PARN: variants seen among roughly 807,000 people sequenced by gnomAD.
PARN encodes the protein poly(A)-specific ribonuclease PARN.
A neutral mutation model predicts 102.8 loss-of-function variants in PARN; 71 were observed. The ratio of observed to expected loss-of-function variants is 0.69; its 90% CI spans 0.57 to 0.84. PARN has a LOEUF of 0.84. Among genes scored for constraint, PARN ranks in the 40% least tolerant of loss-of-function variants. PARN has a pLI of 0.00. For missense variants in PARN, 782 were observed against 760.9 expected (o/e 1.03, Z -0.33); for synonymous variants, 261 against 252.9 (o/e 1.03, Z -0.30).
intron 21 of PARN, among the ~76,000 whole-genome samples, chr16:14,542,192 G>T (rs1386749411): frequency 6.6e-6 from 1 of 151,986 alleles, no homozygotes. Flanking sequence ...TTTTAGTAGA[G>T]ACAGGGTCTC....
At chr16:14,616,088 A>G (rs760284777) in intron 6 of PARN, among the ~76,000 whole-genome samples, 27 of 152,144 alleles carry the variant, frequency 1.8e-4, no homozygotes, top group Non-Finnish European at 2.9e-4. Context: ...TGGGGGAAAA[A>G]AAACAAAATT....
In PARN at chr16:14,580,916, T is replaced by A; in HGVS notation, c.1220A>T (p.His407Leu). 6.2e-7 allele frequency: 1 copy of A among 1,610,058 alleles called. No individual in the cohort carries two copies. Residue 407 changes from histidine (H) to leucine (L), a missense_variant, in exon 18 of 24, where the codon CAT becomes CTT. Physicochemically the swap from His to Leu is moderately conservative, Grantham distance 99 (BLOSUM62 -3). Coordinates refer to ENST00000437198, the MANE Select transcript of PARN (RefSeq NM_002582.4). ...LGSFLSPPKI[H>L]VSARSKLIEP... ...AATGAGTTTTGATCTGGCAGACACA[T>A]GAATTTTTGGAGGGCTGAGAAAAGA...
intron 6 of PARN, 48 bp downstream of exon 6, chr16:14,617,542 T>A: frequency 3.3e-6 from 3 of 910,734 alleles, no homozygotes; most frequent in Non-Finnish European, 5.6e-6. Flanking sequence ...TTCCCAAGGA[T>A]ATTTTGAAGG....
At chr16:14,547,222 G>T (rs1967009810) in intron 21 of PARN, among the ~76,000 whole-genome samples, 1 of 152,110 alleles carries the variant, frequency 6.6e-6, no homozygotes, top group Non-Finnish European at 1.5e-5. Context: ...CATCTGAAGA[G>T]CCAGAGGGGG....
intron 5 of PARN, among the ~76,000 whole-genome samples, chr16:14,624,057 G>A (rs906486881): frequency 6.6e-6 from 1 of 152,178 alleles, no homozygotes; most frequent in African/African-American, 2.4e-5. Flanking sequence ...TCTTCTGGGT[G>A]TGAGTGTGGT....
intron 22 of PARN, among the ~76,000 whole-genome samples, chr16:14,472,318 G>GA (rs1276829499): frequency 6.6e-6 from 1 of 152,118 alleles, no homozygotes; most frequent in African/African-American, 2.4e-5. Context: ...ATATTTACTT[G>GA]AATATTTTAA....
chr16:14,589,623 T>C (rs1442750107), intron 13 of PARN, among the ~76,000 whole-genome samples: 2 of 151,112 alleles, frequency 1.3e-5, no homozygotes, highest in South Asian at 2.1e-4. Flanking sequence ...CGCAACACTT[T>C]GGGAGGCCCA....
intron 21 of PARN, among the ~76,000 whole-genome samples, chr16:14,549,971 G>A (rs944168335): frequency 3.9e-5 from 6 of 152,184 alleles, no homozygotes; most frequent in East Asian, 1.9e-4. Context: ...GTTAGTCCCC[G>A]TGTCAGTCTG....
chr16:14,513,483 T>G (rs1417074295), intron 21 of PARN, among the ~76,000 whole-genome samples: 6 of 152,238 alleles, frequency 3.9e-5, no homozygotes, highest in African/African-American at 1.4e-4. Context: ...TTATGAGTTC[T>G]GGCCCAACAG....
rs375087777 is a variant in PARN at position 14,630,163 on chromosome 16, C to T, written c.-38G>A. On this transcript the variant is annotated 5_prime_UTR_variant, in exon 1 of 24. Transcript: ENST00000437198. ...CCGGAACCTTGGCCCCACCCGGGCC[C>T]GCGCCCGCCTCAGCGGTTCTACTCG... 220 of 1,542,344 alleles carry T rather than the reference C, an allele frequency of 1.4e-4. No homozygotes were observed. The highest frequency in any genetic ancestry group is 5.1e-4 in the East Asian group (21 of 40,920).
At chr16:14,568,177 T>C (rs1040685114) in intron 18 of PARN, among the ~76,000 whole-genome samples, 2 of 151,614 alleles carry the variant, frequency 1.3e-5, no homozygotes, top group African/African-American at 4.8e-5. Flanking sequence ...GGGCGCGACC[T>C]CATCTCTATG....
intron 21 of PARN, among the ~76,000 whole-genome samples, chr16:14,505,695 AATC>A (rs1414170492): frequency 6.6e-6 from 1 of 152,230 alleles, no homozygotes; most frequent in African/African-American, 2.4e-5. Context: ...AATAAATAAT[AATC>A]ATGATGTAGG....
At chr16:14,438,875 G>A (rs191560410) in intron 23 of PARN, among the ~76,000 whole-genome samples, 2 of 152,128 alleles carry the variant, frequency 1.3e-5, no homozygotes, top group Non-Finnish European at 2.9e-5. Flanking sequence ...GGACCAGAGG[G>A]GAAATGAAGG....
At chr16:14,555,846 C>T (rs1301819546) in intron 18 of PARN, 137 bp from the exon 19 acceptor site, 1 of 478,282 alleles carries the variant, frequency 2.1e-6, no homozygotes, top group Non-Finnish European at 3.7e-6. Flanking sequence ...CTTGATATCA[C>T]TCTATTTGTA....
rs868765221 is a variant in PARN, at chr16:14,531,916, A to G, written c.1480+20105T>C. ...CATTTCTTTAAAAAAAAAAAAAAAA[A>G]GGCAGGCATGGTTGCATGCACCTAT... On this transcript the variant is annotated intron_variant, in intron 21 of 23. Transcript: ENST00000437198. Among the ~76,000 whole-genome samples the G allele has an allele frequency of 4.7e-3, 694 of 147,950 alleles. 4 individuals carry two copies. The highest frequency in any genetic ancestry group is 0.014 in the Admixed American group (202 of 14,950).
intron 16 of PARN, among the ~76,000 whole-genome samples, chr16:14,583,181 G>C (rs1279801010): frequency 6.6e-6 from 1 of 152,098 alleles, no homozygotes; most frequent in Non-Finnish European, 1.5e-5. Context: ...AACTATAAGA[G>C]GAATGACCTG....
intron 21 of PARN, among the ~76,000 whole-genome samples, chr16:14,534,138 G>A (rs1000484416): frequency 6.6e-6 from 1 of 151,350 alleles, no homozygotes; most frequent in Non-Finnish European, 1.5e-5. Flanking sequence ...AGGGTAATCT[G>A]AGCCCGGGAG....
Position 14,476,894 on chromosome 16 carries a change from T to C in PARN, c.1670+5744A>G, listed in dbSNP as rs550542913. Among the ~76,000 whole-genome samples, 8 of 152,120 alleles carry C rather than the reference T, an allele frequency of 5.3e-5. No individual in the cohort carries two copies. In the East Asian group the frequency reaches 9.7e-4, roughly 18 times the overall value. On this transcript the variant is annotated intron_variant, in intron 22 of 23. Coordinates refer to ENST00000437198, the MANE Select transcript of PARN (RefSeq NM_002582.4). Reference sequence around the variant, plus strand: ...AGGATGATAAAATATCAGCAAATACTAAATAATACATAATTCAACCAAAAG... The same window carrying C: ...AGGATGATAAAATATCAGCAAATACCAAATAATACATAATTCAACCAAAAG...
chr16:14,529,117 C>T (rs1370504917), intron 21 of PARN, among the ~76,000 whole-genome samples: 1 of 152,188 alleles, frequency 6.6e-6, no homozygotes, highest in Non-Finnish European at 1.5e-5. Flanking sequence ...TGGCCCTGAG[C>T]GAGTGCCTAA....
Sources: allele counts gnomAD v4.1 joint callset (sites outside exome capture counted in the v4.1 genomes callset), GRCh38; gene constraint gnomAD v4.1.1; transcripts MANE v1.5; gene names NCBI Gene and HGNC (gene_info 2026-07-23, HGNC 2026-07-21).